FGF8: variants seen among roughly 807,000 people sequenced by gnomAD.
The protein encoded by FGF8 is fibroblast growth factor 8.
FGF8 carries 12 observed loss-of-function variants against 29.7 expected under a neutral mutation model. The ratio of observed to expected loss-of-function variants is 0.40; its 90% CI spans 0.26 to 0.65. FGF8 has a LOEUF of 0.65. Ranked by LOEUF, FGF8 falls within the 30% of genes least tolerant of loss-of-function variation. The pLI, the probability that FGF8 is intolerant of heterozygous loss-of-function variation, is 0.37. For missense variants in FGF8, 271 were observed against 345.1 expected (o/e 0.79, Z 1.70); for synonymous variants, 157 against 144.4 (o/e 1.09, Z -0.63).
chr10:101,775,011 G>A lies in FGF8; in HGVS notation c.157-99C>T. The A allele has an allele frequency of 6.6e-7, 1 of 1,520,960 alleles. No individual in the cohort carries two copies. The highest frequency in any genetic ancestry group is 1.4e-5 in the African/African-American group (1 of 73,422). 94.2% of individuals were successfully genotyped at this position (1,520,960 alleles called of 1,614,324 possible). ...CCCTGCGTCCCCCTCACTGCCCCAA[G>A]CCGCCAGCAGGTGCTGGGGGTTCCC... On this transcript the variant is annotated intron_variant, in intron 3 of 5. Transcript: ENST00000320185. This position sits in a 1 kb window ranked among gnomAD's most constrained non-coding sequence, Gnocchi z 4.6.
At position 101,775,412 on chromosome 10, in the gene FGF8, G is replaced by A. The variant is rs1041943009; in HGVS notation, c.70-196C>T. 8 of 608,392 alleles carry A rather than the reference G, an allele frequency of 1.3e-5. No homozygotes were observed. The highest frequency in any genetic ancestry group is 5.5e-5 in the African/African-American group (3 of 54,080). 37.7% of individuals were successfully genotyped at this position (608,392 alleles called of 1,614,324 possible). A position where few individuals can be genotyped will look rare whatever the true frequency, so the allele number is the denominator to read the frequency against. On this transcript the variant is annotated intron_variant, in intron 2 of 5. Transcript: ENST00000320185. The surrounding 1 kb of genome is among the most constrained non-coding windows in gnomAD (Gnocchi z 4.6). ...CAGTCACCCGGCTTCCCCTGGCATCGAACATCCATCCCCTGGCCGCGGCTG... is the reference window on the plus strand; with the variant it reads ...CAGTCACCCGGCTTCCCCTGGCATCAAACATCCATCCCCTGGCCGCGGCTG...
At position 101,770,257 on chromosome 10, in the gene FGF8, T is replaced by C; in HGVS notation, c.*72A>G. ...CTGCAGAGCAGCGCACAGCTCATCT[T>C]GCTTGAGTTTTGGGTGCCCTACAGG... On this transcript the variant is annotated 3_prime_UTR_variant, in exon 6 of 6. Transcript: ENST00000320185. 7.0e-7 allele frequency: 1 copy of C among 1,438,146 alleles called. No homozygotes were observed. The highest frequency in any genetic ancestry group is 9.4e-7 in the Non-Finnish European group (1 of 1,065,692). 89.1% of individuals were successfully genotyped at this position (1,438,146 alleles called of 1,614,324 possible).
rs2065074625 is a variant in FGF8 at position 101,775,307 on chromosome 10, T to G, written c.70-91A>C. 2 of 958,972 alleles carry G rather than the reference T, an allele frequency of 2.1e-6. No homozygotes were observed. The highest frequency in any genetic ancestry group is 1.6e-6 in the Non-Finnish European group (1 of 623,002). 59.4% of individuals were successfully genotyped at this position (958,972 alleles called of 1,614,324 possible). On this transcript the variant is annotated intron_variant, in intron 2 of 5. Coordinates refer to ENST00000320185, the MANE Select transcript of FGF8 (RefSeq NM_033163.5). This position sits in a 1 kb window ranked among gnomAD's most constrained non-coding sequence, Gnocchi z 4.6. ...AAATTTACGGAGCAAATGTTGAGAG[T>G]GCAGGGAACCTGGGCACCCGATCAT...
chr10:101,775,512 G>A lies in FGF8; in HGVS notation c.69+228C>T. On this transcript the variant is annotated intron_variant, in intron 2 of 5. Coordinates refer to ENST00000320185, the MANE Select transcript of FGF8 (RefSeq NM_033163.5). This position sits in a 1 kb window ranked among gnomAD's most constrained non-coding sequence, Gnocchi z 4.6. ...TGCATGGGGGACAGTGCTGGGCTCC[G>A]AGACCTTCGTTTCTATCCTGGCCAC... 3.3e-6 allele frequency: 2 copies of A among 611,124 alleles called. No homozygotes were observed. Among genetic ancestry groups the A allele is most frequent in the South Asian group, 2.0e-5 (1 of 50,848 alleles). 37.9% of individuals were successfully genotyped at this position (611,124 alleles called of 1,614,324 possible). A position where few individuals can be genotyped will look rare whatever the true frequency, so the allele number is the denominator to read the frequency against.
In FGF8 at chr10:101,776,060, C is replaced by T. The variant is rs909934745; in HGVS notation, c.-160G>A. On this transcript the variant is annotated 5_prime_UTR_variant, in exon 1 of 6. Transcript: ENST00000320185. ...CGCGGGTCCCGTGGAACGTCGTGCTCGCCGCGCCGCACCGAATCGCTGTGC... is the reference window on the plus strand; with the variant it reads ...CGCGGGTCCCGTGGAACGTCGTGCTTGCCGCGCCGCACCGAATCGCTGTGC... The T allele has an allele frequency of 1.1e-4, 28 of 265,230 alleles. No individual in the cohort carries two copies. Among genetic ancestry groups the T allele is most frequent in the Middle Eastern group, 2.7e-3 (2 of 754 alleles). 16.4% of individuals were successfully genotyped at this position (265,230 alleles called of 1,614,324 possible).
chr10:101,779,200 G>A (rs1040350849), upstream of FGF8, among the ~76,000 whole-genome samples: 1 of 152,216 alleles, frequency 6.6e-6, no homozygotes, highest in East Asian at 1.9e-4. The surrounding 1 kb of genome is among the most constrained non-coding windows in gnomAD (Gnocchi z 5.7). Flanking sequence ...ACCGCAGCTC[G>A]CTCCGACGCG....
chr10:101,771,583 T>C lies in FGF8; in HGVS notation c.338-14A>G, dbSNP rs761078377. On this transcript the variant is annotated splice_polypyrimidine_tract_variant and intron_variant, in intron 4 of 5. Transcript: ENST00000320185. The surrounding 1 kb of genome is among the most constrained non-coding windows in gnomAD (Gnocchi z 5.3). ...CGATGAGCTTTGCTGTCAGAGAAGG[T>C]AGCAGGATGGCTATTGGCAGATCCC... 1.2e-6 allele frequency: 2 copies of C among 1,607,430 alleles called. No individual in the cohort carries two copies. The highest frequency in any genetic ancestry group is 1.7e-6 in the Non-Finnish European group (2 of 1,174,048).
At position 101,770,181 on chromosome 10, in the gene FGF8, G is replaced by C; in HGVS notation, c.*148C>G. ...AAAAAAAAACAGCAAAAACCCAACA[G>C]CAAACAATATCAACAACCGGAACCC... On this transcript the variant is annotated 3_prime_UTR_variant, in exon 6 of 6. Transcript: ENST00000320185. 5.2e-6 allele frequency: 3 copies of C among 572,832 alleles called. No individual in the cohort carries two copies. Among genetic ancestry groups the C allele is most frequent in the Non-Finnish European group, 5.6e-6 (2 of 356,332 alleles). 35.5% of individuals were successfully genotyped at this position (572,832 alleles called of 1,614,324 possible).
chr10:101,778,914 T>C (rs566117104), upstream of FGF8, among the ~76,000 whole-genome samples: 1 of 152,304 alleles, frequency 6.6e-6, no homozygotes, highest in South Asian at 2.1e-4. Context: ...CAGAGCTCCC[T>C]GGCCCAGATG....
At chr10:101,778,262 G>C (rs148592156), upstream of FGF8, among the ~76,000 whole-genome samples, 89 of 152,350 alleles carry the variant, frequency 5.8e-4, 1 homozygote, top group East Asian at 0.017. Flanking sequence ...CTGAACATCA[G>C]TGAGATAAGC....
upstream of FGF8, among the ~76,000 whole-genome samples, chr10:101,778,493 C>A (rs913665664): frequency 6.6e-6 from 1 of 152,228 alleles, no homozygotes; most frequent in Admixed American, 6.5e-5. Context: ...CTTCAGCCAC[C>A]CTTCTTCCTC....
intron 5 of FGF8, 106 bp from the exon 6 acceptor site, chr10:101,770,725 G>T: frequency 1.6e-6 from 2 of 1,238,232 alleles, no homozygotes; most frequent in Non-Finnish European, 2.3e-6. Flanking sequence ...GGCGAGGTGG[G>T]CAGGAGCCGC....
intron 4 of FGF8, among the ~76,000 whole-genome samples, chr10:101,773,546 G>C (rs533928422): frequency 6.8e-6 from 1 of 146,882 alleles, no homozygotes; most frequent in Non-Finnish European, 1.5e-5. Context: ...TCTCCCGACC[G>C]GGCTTTTGGA....
intron 3 of FGF8, 47 bp from the exon 4 acceptor site, chr10:101,774,959 C>A: frequency 6.3e-7 from 1 of 1,598,738 alleles, no homozygotes; most frequent in East Asian, 2.2e-5. Context: ...AATGCTACTC[C>A]GCCCAGGGGC....
At chr10:101,777,015 C>A (rs1228795867), upstream of FGF8, among the ~76,000 whole-genome samples, 1 of 152,196 alleles carries the variant, frequency 6.6e-6, no homozygotes, top group African/African-American at 2.4e-5. Context: ...CTCTCAGTAG[C>A]TTTTACTGGG....
At position 101,771,402 on chromosome 10, in the gene FGF8, T is replaced by C. The variant is rs1589810522; in HGVS notation, c.444+61A>G. On this transcript the variant is annotated intron_variant, in intron 5 of 5. Transcript: ENST00000320185. The surrounding 1 kb of genome is among the most constrained non-coding windows in gnomAD (Gnocchi z 5.3). The stretch of plus-strand genomic sequence containing the variant: ...AGAGCCCAGGACTGTCTTGGAGGAG[T>C]CCAGCCAGCCCAAGCCACTCCCTAG... The C allele has an allele frequency of 1.6e-6, 2 of 1,288,898 alleles. No homozygotes were observed. The highest frequency in any genetic ancestry group is 2.4e-5 in the South Asian group (2 of 84,540). The allele number at this position is 1,288,898 out of a possible 1,614,324, so 79.8% of individuals were successfully genotyped here.
chr10:101,777,757 C>A (rs986676748), upstream of FGF8, among the ~76,000 whole-genome samples: 1 of 152,184 alleles, frequency 6.6e-6, no homozygotes, highest in Non-Finnish European at 1.5e-5. Flanking sequence ...ATTAAGAGTT[C>A]GTTGAATGAA....
chr10:101,770,618 C>G lies in FGF8; in HGVS notation c.446G>C (p.Ser149Thr). ...MNKKGKLIAK[S>T]NGKGKDCVFT... ...GACGCAGTCCTTGCCTTTGCCGTTG[C>G]TCTGCAGGTAGGGGAGCCAGACACC... The change falls in exon 6 of 6, where the codon AGC becomes ACC. Residue 149 changes from serine to threonine, a missense_variant and splice_region_variant. Around this residue, in one of 3 missense-constraint regions of FGF8, gnomAD observed 168 missense variants for 207.0 expected, o/e 0.81. Coordinates refer to ENST00000320185, the MANE Select transcript of FGF8 (RefSeq NM_033163.5). 1 of 1,608,700 alleles carries G rather than the reference C, an allele frequency of 6.2e-7. No individual in the cohort carries two copies. Among genetic ancestry groups the G allele is most frequent in the Non-Finnish European group, 8.5e-7 (1 of 1,179,934 alleles).
intron 5 of FGF8, 141 bp from the exon 6 acceptor site, chr10:101,770,760 C>G: frequency 1.1e-6 from 1 of 880,182 alleles, no homozygotes; most frequent in South Asian, 1.4e-5. Flanking sequence ...CCTGGGCACC[C>G]GCTCTCTAAT....
Sources: allele counts gnomAD v4.1 joint callset (sites outside exome capture counted in the v4.1 genomes callset), GRCh38; gene constraint gnomAD v4.1.1; regional missense constraint gnomAD v4.1.1; non-coding constraint Gnocchi (gnomAD v3.1); transcripts MANE v1.5; gene names NCBI Gene and HGNC (gene_info 2026-07-23, HGNC 2026-07-21).